The following ALS2 variants were observed in gnomAD, a reference collection of about 807,000 sequenced individuals.
The protein encoded by ALS2 is alsin.
In ALS2, 117 loss-of-function variants were observed where a neutral mutation model predicts 203.4. The observed-to-expected ratio is 0.58, with a 90% CI of 0.50 to 0.67. ALS2 has a LOEUF of 0.67. ALS2 is among the 30% of genes least tolerant of loss of function. The probability of loss-of-function intolerance (pLI) is 0.00; values close to 1 mark genes in which losing one functional copy is unlikely to be tolerated. For missense variants in ALS2, 1,715 were observed against 1,989.4 expected (o/e 0.86, Z 2.62); for synonymous variants, 718 against 725.9 (o/e 0.99, Z 0.17).
intron 1 of ALS2, 27 bp from the exon 2 acceptor site, chr2:201,768,972 C>G: frequency 8.0e-7 from 1 of 1,251,330 alleles, no homozygotes; most frequent in Non-Finnish European, 1.1e-6. Context: ...AGGAAAAGAG[C>G]AGTAAAAGAA....
In ALS2 at chr2:201,761,493, T is replaced by C. The variant is rs1693765764; in HGVS notation, c.501A>G (p.Ile167Met). ...TACCCCATGCCCAAATCTCTCTGCT[T>C]ATTGACAATGCCAGAGTGTGCTCCT... is the stretch of plus-strand genomic sequence containing the variant. ...CGEEHTLALS[I>M]SREIWAWGTG... Residue 167 changes from isoleucine to methionine, a missense_variant, in exon 4 of 34, where the codon ATA becomes ATG. Physicochemically the swap from Ile to Met is conservative, Grantham distance 10. Transcript: ENST00000264276. The C allele has an allele frequency of 6.2e-7, 1 of 1,611,718 alleles. No individual in the cohort carries two copies. The highest frequency in any genetic ancestry group is 1.7e-5 in the Admixed American group (1 of 59,990).
At chr2:201,717,445 G>A (rs1290417455) in intron 24 of ALS2, among the ~76,000 whole-genome samples, 1 of 141,384 alleles carries the variant, frequency 7.1e-6, no homozygotes, top group Non-Finnish European at 1.5e-5. Flanking sequence ...CAGCCTGGAC[G>A]ACAGACCAAG....
chr2:201,704,374 C>T, intron 32 of ALS2, 80 bp downstream of exon 32: 1 of 1,560,160 alleles, frequency 6.4e-7, no homozygotes, highest in Non-Finnish European at 8.8e-7. Context: ...AGAGCGTACT[C>T]CTGCTGTCAG....
At chr2:201,744,131 A>G in intron 10 of ALS2, 127 bp downstream of exon 10, 1 of 1,050,298 alleles carries the variant, frequency 9.5e-7, no homozygotes, top group Non-Finnish European at 1.4e-6. Context: ...ACCTGTGTAC[A>G]CACACACAAA....
At chr2:201,754,761 A>G (rs1693282165) in intron 5 of ALS2, 90 bp from the exon 6 acceptor site, 1 of 1,379,016 alleles carries the variant, frequency 7.3e-7, no homozygotes, top group Admixed American at 1.8e-5. Flanking sequence ...TTTCAAAAAC[A>G]TACGCCACCA....
chr2:201,704,313 TA>T, intron 32 of ALS2, 95 bp from the exon 33 acceptor site: 1 of 1,481,296 alleles, frequency 6.8e-7, no homozygotes, highest in Non-Finnish European at 9.4e-7. Context: ...AACAGCTCAA[TA>T]AAAGGGTAAT....
At chr2:201,768,347 T>C (rs1057141048) in intron 2 of ALS2, among the ~76,000 whole-genome samples, 9 of 152,366 alleles carry the variant, frequency 5.9e-5, no homozygotes, top group Admixed American at 2.0e-4. Flanking sequence ...CATTAAGATA[T>C]GTGCCACCAT....
At chr2:201,715,076 A>T (rs1256382292) in intron 25 of ALS2, among the ~76,000 whole-genome samples, 1 of 152,174 alleles carries the variant, frequency 6.6e-6, no homozygotes, top group Non-Finnish European at 1.5e-5. Flanking sequence ...GAGCCACCAA[A>T]GGGGGAAGAA....
chr2:201,754,523 C>A lies in ALS2; in HGVS notation c.1620G>T (p.Gly540=). 6.2e-7 allele frequency: 1 copy of A among 1,614,094 alleles called. No individual in the cohort carries two copies. Among genetic ancestry groups the A allele is most frequent in the Non-Finnish European group, 8.5e-7 (1 of 1,179,994 alleles). The change falls in exon 6 of 34, where the codon GGG becomes GGT. Residue 540 remains glycine, a synonymous_variant. Coordinates refer to ENST00000264276, the MANE Select transcript of ALS2 (RefSeq NM_020919.4). The part of the protein sequence containing the change: ...TWGKGKEGQL[G]HGDVLPRLQP... ...CTTACCTAGGCAGAACATCGCCGTG[C>A]CCCAGCTGCCCTTCCTTCCCTTTCC...
rs746315330 is a variant in ALS2 at position 201,741,729 on chromosome 2, C to T, written c.2296G>A (p.Ala766Thr). Reference protein sequence around the residue: ...LSSFLHGVKEARSLVILKHSS... With the variant: ...LSSFLHGVKETRSLVILKHSS... ...TGCTTCAGGATGACCAAACTCCTGG[C>T]TTCCTTTACCCCATGAAGGAAGCTG... Residue 766 changes from alanine (A) to threonine (T), a missense_variant, in exon 11 of 34, where the codon GCC becomes ACC. Ala to Thr is a moderately conservative substitution (Grantham distance 58, BLOSUM62 0). Coordinates refer to ENST00000264276, the MANE Select transcript of ALS2 (RefSeq NM_020919.4). 2 of 1,614,034 alleles carry T rather than the reference C, an allele frequency of 1.2e-6. No homozygotes were observed. The highest frequency in any genetic ancestry group is 1.7e-6 in the Non-Finnish European group (2 of 1,180,042).
intron 1 of ALS2, among the ~76,000 whole-genome samples, chr2:201,780,392 C>T (rs1694846195): frequency 6.6e-6 from 1 of 152,152 alleles, no homozygotes; most frequent in Non-Finnish European, 1.5e-5. Flanking sequence ...TTCAAGTAGC[C>T]CTTGGTCCAC....
intron 2 of ALS2, among the ~76,000 whole-genome samples, chr2:201,768,638 A>G (rs553598771): frequency 6.6e-6 from 1 of 152,220 alleles, no homozygotes; most frequent in Non-Finnish European, 1.5e-5. Flanking sequence ...AAAAATGGCT[A>G]CAAGCACTTT....
At chr2:201,755,426 C>T (rs1693324438) in intron 5 of ALS2, among the ~76,000 whole-genome samples, 2 of 152,150 alleles carry the variant, frequency 1.3e-5, no homozygotes, top group Admixed American at 6.5e-5. Context: ...CCACACCCAG[C>T]TAATTTTTGT....
intron 13 of ALS2, among the ~76,000 whole-genome samples, chr2:201,732,848 A>G (rs1478733868): frequency 1.3e-5 from 2 of 152,200 alleles, no homozygotes; most frequent in African/African-American, 4.8e-5. Flanking sequence ...AAGGTAACCT[A>G]AACACCTGGC....
intron 8 of ALS2, among the ~76,000 whole-genome samples, chr2:201,747,197 A>G (rs1692720205): frequency 6.6e-6 from 1 of 152,202 alleles, no homozygotes; most frequent in African/African-American, 2.4e-5. Flanking sequence ...ATTCTGGCCA[A>G]CTAAACTCTT....
intron 9 of ALS2, among the ~76,000 whole-genome samples, chr2:201,745,521 T>G (rs4675225): frequency 0.52 from 78,919 of 152,000 alleles, 23,127 homozygotes; most frequent in Non-Finnish European, 0.65. Flanking sequence ...CATGTCACTT[T>G]GAGAATGTGA....
intron 25 of ALS2, among the ~76,000 whole-genome samples, chr2:201,713,068 GA>G (rs1377533837): frequency 1.3e-5 from 2 of 150,178 alleles, no homozygotes; most frequent in African/African-American, 2.4e-5. Flanking sequence ...TACTAAACTT[GA>G]TAAGTTTTCA....
Position 201,700,718 on chromosome 2 carries a change from C to A in ALS2, c.*1133G>T, listed in dbSNP as rs987789149. The A allele has an allele frequency of 2.6e-5, 4 of 152,618 alleles. No individual in the cohort carries two copies. The highest frequency in any genetic ancestry group is 9.7e-5 in the African/African-American group (4 of 41,430). 9.5% of individuals were successfully genotyped at this position (152,618 alleles called of 1,614,324 possible). ...CAGTCACTTAACACAAATCAGGACA[C>A]TCTGTATGCTCACCACGGTGTAGGA... On this transcript the variant is annotated 3_prime_UTR_variant, in exon 34 of 34. Transcript: ENST00000264276.
At chr2:201,736,731 T>A (rs1225686968) in intron 12 of ALS2, among the ~76,000 whole-genome samples, 1 of 151,558 alleles carries the variant, frequency 6.6e-6, no homozygotes, top group African/African-American at 2.4e-5. Context: ...AAATGAATAA[T>A]CGTAAGAATG....
Sources: gnomAD v4.1 joint callset for allele counts (sites outside exome capture counted in the v4.1 genomes callset) on GRCh38, gnomAD v4.1.1 for gene constraint, MANE v1.5 for transcripts, NCBI Gene and HGNC (gene_info 2026-07-23, HGNC 2026-07-21) for gene names.